The following MORC2 variants were observed in gnomAD, a reference collection of about 807,000 sequenced individuals.
The protein encoded by MORC2 is ATPase MORC2.
In MORC2, 30 loss-of-function variants were observed where a neutral mutation model predicts 136.0. That is an observed-to-expected ratio of 0.22 (90% CI 0.17 to 0.30). MORC2 has a LOEUF of 0.30. Among genes scored for constraint, MORC2 ranks in the 10% least tolerant of loss-of-function variants. MORC2 has a pLI of 1.00. For missense variants in MORC2, 922 were observed against 1,333.1 expected (o/e 0.69, Z 4.80); for synonymous variants, 439 against 487.0 (o/e 0.90, Z 1.30).
chr22:30,933,624 C>G, intron 20 of MORC2, 104 bp from the exon 21 acceptor site: 1 of 1,152,616 alleles, frequency 8.7e-7, no homozygotes. Context: ...TCACGACTTC[C>G]TGTGCTACAG....
chr22:30,929,426 CTT>C (rs2040539609), intron 24 of MORC2, among the ~76,000 whole-genome samples: 2 of 152,160 alleles, frequency 1.3e-5, no homozygotes, highest in African/African-American at 4.8e-5. Flanking sequence ...GAACAGTAGA[CTT>C]TGTTTTATCC....
At chr22:30,951,445 T>C (rs564394171) in intron 3 of MORC2, among the ~76,000 whole-genome samples, 3 of 152,210 alleles carry the variant, frequency 2.0e-5, no homozygotes, top group East Asian at 3.9e-4. Context: ...ATCAAGGAAG[T>C]TGGTAGACAC....
At chr22:30,953,697 T>C (rs766988030) in intron 3 of MORC2, among the ~76,000 whole-genome samples, 2 of 152,132 alleles carry the variant, frequency 1.3e-5, no homozygotes, top group East Asian at 1.9e-4. Flanking sequence ...TCCAAGGAGG[T>C]GGCACTACCT....
Position 30,942,233 on chromosome 22 carries a change from C to T in MORC2, c.465G>A (p.Arg155=), listed in dbSNP as rs1235717724. 2.5e-6 allele frequency: 4 copies of T among 1,613,618 alleles called. No individual in the cohort carries two copies. Among genetic ancestry groups the T allele is most frequent in the Non-Finnish European group, 3.4e-6 (4 of 1,180,024 alleles). The change falls in exon 7 of 26, where the codon CGG becomes CGA. Residue 155 remains arginine, a synonymous_variant. Transcript: ENST00000397641. ...VPLPTWNART[R]EPVTDNVEKF... ...TCTCTACATTGTCTGTGACAGGTTC[C>T]CGGGTCCGAGCATTCCAGGTGGGCA...
At chr22:30,966,308 A>C (rs984018689) in intron 1 of MORC2, among the ~76,000 whole-genome samples, 1 of 152,188 alleles carries the variant, frequency 6.6e-6, no homozygotes, top group African/African-American at 2.4e-5. Context: ...TCATCCATGA[A>C]CATTTAAGTG....
chr22:30,930,120 G>A (rs2040551877), intron 24 of MORC2: 1 of 152,288 alleles, frequency 6.6e-6, no homozygotes, highest in African/African-American at 2.4e-5. Context: ...GCCTCCCAAA[G>A]TGCTGGGATT....
rs1440292796 is a variant in MORC2 at position 30,937,167 on chromosome 22, T to C, written c.1499-130A>G. On this transcript the variant is annotated intron_variant, in intron 15 of 25. Coordinates refer to ENST00000397641, the MANE Select transcript of MORC2 (RefSeq NM_001303256.3). The surrounding 1 kb of genome is among the most constrained non-coding windows in gnomAD (Gnocchi z 4.7). ...CAAAGATCTTCACTCGGGCTCCAAC[T>C]CTGCCTATCCTTAGAGAATACTAAT... 1 of 687,682 alleles carries C rather than the reference T, an allele frequency of 1.5e-6. No homozygotes were observed. The highest frequency in any genetic ancestry group is 1.8e-5 in the African/African-American group (1 of 56,266). The allele number at this position is 687,682 out of a possible 1,614,324, so 42.6% of individuals were successfully genotyped here.
intron 21 of MORC2, 127 bp downstream of exon 21, chr22:30,933,339 G>A (rs1442670514): frequency 5.7e-6 from 6 of 1,047,000 alleles, no homozygotes; most frequent in African/African-American, 4.8e-5. Context: ...TGGATCCACT[G>A]CTGCACAAGA....
intron 1 of MORC2, among the ~76,000 whole-genome samples, chr22:30,965,497 T>TC (rs1172780447): frequency 6.6e-6 from 1 of 152,226 alleles, no homozygotes; most frequent in African/African-American, 2.4e-5. Context: ...CTTGTTGGTT[T>TC]AGGGTTTATA....
intron 24 of MORC2, 106 bp from the exon 25 acceptor site, chr22:30,928,313 G>T: frequency 9.2e-7 from 1 of 1,087,272 alleles, no homozygotes; most frequent in East Asian, 2.5e-5. Context: ...AAGGATGCCT[G>T]GTCTGAAGGA....
intron 21 of MORC2, 148 bp from the exon 22 acceptor site, chr22:30,933,178 G>C: frequency 8.2e-7 from 1 of 1,220,314 alleles, no homozygotes. Context: ...ACAGAGACCA[G>C]GGACCAGCCA....
intron 4 of MORC2, 24 bp downstream of exon 4, chr22:30,950,353 C>CCAAA: frequency 2.0e-6 from 3 of 1,481,916 alleles, no homozygotes; most frequent in Non-Finnish European, 2.8e-6. Context: ...CCCCACCCCC[C>CCAAA]AAAACAATAA....
In MORC2 at chr22:30,940,674, C is replaced by A. The variant is rs541361590; in HGVS notation, c.904+84G>T. The A allele has an allele frequency of 5.7e-6, 7 of 1,231,310 alleles. No homozygotes were observed. The South Asian group carries it at 8.5e-5, about 15-fold the overall frequency. 76.3% of individuals were successfully genotyped at this position (1,231,310 alleles called of 1,614,324 possible). The stretch of plus-strand genomic sequence containing the variant: ...CCTTGTCCCTGAGTTGTGGACTCAG[C>A]CTTTTCCTGGAACCCCACTTTGCCC... On this transcript the variant is annotated intron_variant, in intron 10 of 25. Coordinates refer to ENST00000397641, the MANE Select transcript of MORC2 (RefSeq NM_001303256.3).
chr22:30,946,428 C>G lies in MORC2; in HGVS notation c.339G>C (p.Lys113Asn), dbSNP rs1169862798. ...GLKSGSMRIG[K>N]DFILFTKKED... ...CCTTCTTGGTGAACAGGATAAAATC[C>G]TTCCCAATGCGCATTGAGCCCCTGA... The change falls in exon 6 of 26, where the codon AAG (lysine) becomes AAC (asparagine). Residue 113 changes from lysine (K) to asparagine (N), a missense_variant. Lys to Asn is a moderately conservative substitution (Grantham distance 94). Transcript: ENST00000397641. The G allele has an allele frequency of 6.2e-7, 1 of 1,609,502 alleles. No homozygotes were observed.
chr22:30,950,249 A>C (rs2040868133), intron 4 of MORC2, 128 bp downstream of exon 4: 9 of 925,658 alleles, frequency 9.7e-6, no homozygotes, highest in South Asian at 7.8e-5. Flanking sequence ...CAGACTTCTT[A>C]CTCCCCAGGT....
In MORC2 at chr22:30,949,862, AG is replaced by A. The variant is rs779516461; in HGVS notation, c.227-21del. ...CATCACCTGAAAGGGCAGACACAAG[AG>A]AAAGTGAAAAGTTTGCATTTCTTTC... is the stretch of plus-strand genomic sequence containing the variant. On this transcript the variant is annotated intron_variant, in intron 4 of 25. Transcript: ENST00000397641. The A allele has an allele frequency of 6.2e-7, 1 of 1,612,180 alleles. No homozygotes were observed. The highest frequency in any genetic ancestry group is 1.7e-5 in the Admixed American group (1 of 59,884).
At chr22:30,929,416 G>T (rs1352774521) in intron 24 of MORC2, among the ~76,000 whole-genome samples, 1 of 152,154 alleles carries the variant, frequency 6.6e-6, no homozygotes, top group Non-Finnish European at 1.5e-5. Flanking sequence ...AGGACATAAT[G>T]AACAGTAGAC....
chr22:30,964,315 C>T (rs1268449940), intron 1 of MORC2, among the ~76,000 whole-genome samples: 2 of 152,072 alleles, frequency 1.3e-5, no homozygotes, highest in Non-Finnish European at 2.9e-5. Context: ...CGAGATGGTG[C>T]CACTGCACTC....
rs2147340291 is a variant in MORC2 at position 30,968,406 on chromosome 22, A to G, written c.-517T>C. On this transcript the variant is annotated 5_prime_UTR_variant, in exon 1 of 26. Coordinates refer to ENST00000397641, the MANE Select transcript of MORC2 (RefSeq NM_001303256.3). ...GATTCTTAAACAGGCCCAAGACCGGAGACCAAGATGTCGACGGAGTGTTAT... is the reference window on the plus strand; with the variant it reads ...GATTCTTAAACAGGCCCAAGACCGGGGACCAAGATGTCGACGGAGTGTTAT... 6.5e-6 allele frequency: 1 copy of G among 153,572 alleles called. No homozygotes were observed. The highest frequency in any genetic ancestry group is 1.9e-4 in the East Asian group (1 of 5,192). 9.5% of individuals were successfully genotyped at this position (153,572 alleles called of 1,614,324 possible).
Sources: gnomAD v4.1 joint callset for allele counts (sites outside exome capture counted in the v4.1 genomes callset) on GRCh38, gnomAD v4.1.1 for gene constraint, Gnocchi (gnomAD v3.1) non-coding constraint, MANE v1.5 for transcripts, NCBI Gene and HGNC (gene_info 2026-07-23, HGNC 2026-07-21) for gene names.